Variants in BBS12 observed in about 807,000 individuals in gnomAD.
The protein encoded by BBS12 is Bardet-Biedl syndrome 12.
BBS12 carries 5 observed loss-of-function variants against 5.6 expected under a neutral mutation model. The observed-to-expected ratio is 0.89, with a 90% CI of 0.46 to 1.86. The LOEUF is 1.86. BBS12 is among the 40% of genes most tolerant of loss of function. The pLI is 0.01. For synonymous variants in BBS12, 308 were observed against 306.8 expected (o/e 1.00, Z -0.04); for missense variants, 748 against 830.4 (o/e 0.90, Z 1.22).
chr4:122,718,735 A>AAAT, the BBS12 span, among the ~76,000 whole-genome samples: 7 of 152,106 alleles, frequency 4.6e-5, no homozygotes, highest in South Asian at 6.3e-4. Flanking sequence ...AAATGAAATG[A>AAAT]AATGAAATGA....
chr4:122,723,987 A>G, the BBS12 span, among the ~76,000 whole-genome samples: 1 of 152,216 alleles, frequency 6.6e-6, no homozygotes, highest in African/African-American at 2.4e-5. Flanking sequence ...AAGTCTATTT[A>G]ATCTCATCTT....
At chr4:122,711,002 C>T in the BBS12 span, among the ~76,000 whole-genome samples, 2 of 152,024 alleles carry the variant, frequency 1.3e-5, no homozygotes. Context: ...GTAAGAGTTT[C>T]CAGAAAAATG....
chr4:122,719,799 G>A, the BBS12 span, among the ~76,000 whole-genome samples: 1 of 152,218 alleles, frequency 6.6e-6, no homozygotes, highest in Non-Finnish European at 1.5e-5. Flanking sequence ...GTTAGATGAA[G>A]GGGTCTTGGG....
chr4:122,711,953 G>T, the BBS12 span, among the ~76,000 whole-genome samples: 2 of 152,174 alleles, frequency 1.3e-5, no homozygotes, highest in African/African-American at 4.8e-5. Flanking sequence ...TGAAGGCCAG[G>T]AGAGAGAAGA....
chr4:122,728,795 T>C (rs981942933), upstream of BBS12: 1 of 152,240 alleles, frequency 6.6e-6, no homozygotes, highest in Admixed American at 6.5e-5. Context: ...TCAGTTGTGC[T>C]AAAAATGAAC....
the BBS12 span, among the ~76,000 whole-genome samples, chr4:122,702,299 A>C: frequency 1.3e-5 from 2 of 152,192 alleles, no homozygotes; most frequent in East Asian, 3.9e-4. Flanking sequence ...GGAGACCAGC[A>C]TTTTTATCAT....
the BBS12 span, among the ~76,000 whole-genome samples, chr4:122,709,036 C>T: frequency 6.6e-6 from 1 of 151,860 alleles, no homozygotes; most frequent in Admixed American, 6.6e-5. Context: ...AAGATGCAAA[C>T]GATTTGTTTT....
chr4:122,703,923 A>C, the BBS12 span, among the ~76,000 whole-genome samples: 1 of 152,172 alleles, frequency 6.6e-6, no homozygotes, highest in Non-Finnish European at 1.5e-5. Flanking sequence ...ATGATAGCTC[A>C]TTGCAACCTC....
Position 122,741,958 on chromosome 4 carries a change from C to T in BBS12, c.66C>T (p.Phe22=), listed in dbSNP as rs150546366. The change falls in exon 2 of 2, where the codon TTC becomes TTT. Residue 22 remains phenylalanine (F), a synonymous_variant. Transcript: ENST00000314218. ...RHMGLQQLSS[F]AETGRTFLGP... ...TGGGACTTCAACAACTTTCATCATT[C>T]GCGGAAACAGGAAGAACTTTCCTAG... 53 of 1,613,498 alleles carry T rather than the reference C, an allele frequency of 3.3e-5. No individual in the cohort carries two copies. The highest frequency in any genetic ancestry group is 7.7e-5 in the South Asian group (7 of 90,954).
chr4:122,729,647 G>C (rs1247008462), upstream of BBS12: 1 of 152,098 alleles, frequency 6.6e-6, no homozygotes, highest in African/African-American at 2.4e-5. Context: ...TGTTTACTGA[G>C]GTTAACACAT....
At chr4:122,709,808 C>T in the BBS12 span, among the ~76,000 whole-genome samples, 14 of 152,154 alleles carry the variant, frequency 9.2e-5, no homozygotes, top group Non-Finnish European at 2.1e-4. Flanking sequence ...GCGTATGCCA[C>T]CACACCTGGC....
the BBS12 span, among the ~76,000 whole-genome samples, chr4:122,719,634 C>T: frequency 3.9e-5 from 6 of 152,052 alleles, no homozygotes; most frequent in East Asian, 1.9e-4. Context: ...CTGAAGTCAG[C>T]GAGACCATGA....
At chr4:122,714,020 A>G in the BBS12 span, among the ~76,000 whole-genome samples, 4 of 152,172 alleles carry the variant, frequency 2.6e-5, no homozygotes, top group African/African-American at 9.7e-5. Flanking sequence ...GCTGCTATGG[A>G]CTGAATTGTG....
Position 122,744,299 on chromosome 4 carries a change from C to A in BBS12, c.*274C>A. Reference sequence around the variant, plus strand: ...CTCACAGCAAAAGCTGTAGCCAGAGCTTCATGTTGGTTTTATTCAGTTCCT... The same window carrying A: ...CTCACAGCAAAAGCTGTAGCCAGAGATTCATGTTGGTTTTATTCAGTTCCT... On this transcript the variant is annotated 3_prime_UTR_variant, in exon 2 of 2. Coordinates refer to ENST00000314218, the MANE Select transcript of BBS12 (RefSeq NM_152618.3). The A allele has an allele frequency of 2.5e-6, 1 of 393,858 alleles. No individual in the cohort carries two copies. The highest frequency in any genetic ancestry group is 2.1e-5 in the African/African-American group (1 of 47,566). 24.4% of individuals were successfully genotyped at this position (393,858 alleles called of 1,614,324 possible). A position where few individuals can be genotyped will look rare whatever the true frequency, so the allele number is the denominator to read the frequency against.
chr4:122,726,649 C>T, the BBS12 span, among the ~76,000 whole-genome samples: 5 of 136,246 alleles, frequency 3.7e-5, no homozygotes, highest in Non-Finnish European at 6.1e-5. Context: ...CTTGCACATC[C>T]ATGTTTATAG....
intron 1 of BBS12, among the ~76,000 whole-genome samples, chr4:122,740,206 G>A (rs1278139304): frequency 5.3e-5 from 8 of 152,276 alleles, no homozygotes; most frequent in South Asian, 4.1e-4. Context: ...CCAGGAGGTC[G>A]AGGCTGCAGT....
In BBS12 at chr4:122,744,210, T is replaced by C. The variant is rs545226235; in HGVS notation, c.*185T>C. ...ACTTATAAGCTAACAAGTTAGCCTG[T>C]TACTGTTTCGTGGGATGCTACAGAA... On this transcript the variant is annotated 3_prime_UTR_variant, in exon 2 of 2. Coordinates refer to ENST00000314218, the MANE Select transcript of BBS12 (RefSeq NM_152618.3). 434 of 653,956 alleles carry C rather than the reference T, an allele frequency of 6.6e-4. 1 individual carries two copies. Among genetic ancestry groups the C allele is most frequent in the Non-Finnish European group, 1.0e-3 (391 of 381,280 alleles). 40.5% of individuals were successfully genotyped at this position (653,956 alleles called of 1,614,324 possible). A position where few individuals can be genotyped will look rare whatever the true frequency, so the allele number is the denominator to read the frequency against.
the BBS12 span, among the ~76,000 whole-genome samples, chr4:122,712,012 T>C: frequency 6.6e-6 from 1 of 152,354 alleles, no homozygotes; most frequent in East Asian, 1.9e-4. Context: ...GTAGACCTTC[T>C]GCTGCCTTGG....
the BBS12 span, among the ~76,000 whole-genome samples, chr4:122,700,560 C>T: frequency 6.6e-6 from 1 of 152,198 alleles, no homozygotes; most frequent in African/African-American, 2.4e-5. Context: ...TCCTTTGCTG[C>T]CTGTTGGTGA....
Sources: gnomAD v4.1 joint callset for allele counts (sites outside exome capture counted in the v4.1 genomes callset) on GRCh38, gnomAD v4.1.1 for gene constraint, MANE v1.5 for transcripts, NCBI Gene and HGNC (gene_info 2026-07-23, HGNC 2026-07-21) for gene names.